The following AKAP19 variants were observed in gnomAD, a reference collection of about 807,000 sequenced individuals.
AKAP19 encodes the protein A-kinase anchoring protein 19.
chr2:190,121,468 C>G, the AKAP19 span, among the ~76,000 whole-genome samples: 7 of 152,134 alleles, frequency 4.6e-5, no homozygotes, highest in Admixed American at 6.6e-5. Context: ...AAAATATTCA[C>G]AAAACTTATG....
chr2:190,200,972 T>C, the AKAP19 span: 1 of 167,034 alleles, frequency 6.0e-6, no homozygotes, highest in Non-Finnish European at 1.5e-5. Flanking sequence ...AGCTTTACTA[T>C]CTCAGAGGTA....
the AKAP19 span, among the ~76,000 whole-genome samples, chr2:190,110,556 A>T: frequency 6.6e-6 from 1 of 152,248 alleles, no homozygotes; most frequent in Admixed American, 6.5e-5. Flanking sequence ...CAGAGTTACA[A>T]TAAAGAGAAT....
chr2:189,895,031 G>A, the AKAP19 span, among the ~76,000 whole-genome samples: 2 of 150,006 alleles, frequency 1.3e-5, no homozygotes, highest in Non-Finnish European at 3.0e-5. Context: ...CAACACTAAT[G>A]AAAGAAAAAA....
chr2:189,986,410 AAG>A, the AKAP19 span, among the ~76,000 whole-genome samples: 2 of 148,808 alleles, frequency 1.3e-5, no homozygotes, highest in Admixed American at 1.3e-4. Context: ...AAACACAAAA[AAG>A]AAAAACAAAA....
the AKAP19 span, among the ~76,000 whole-genome samples, chr2:190,196,006 T>C: frequency 7.1e-6 from 1 of 141,254 alleles, no homozygotes; most frequent in African/African-American, 2.6e-5. Flanking sequence ...TTGAAAAGAC[T>C]ATGTATGTGT....
At chr2:189,945,770 A>T in the AKAP19 span, among the ~76,000 whole-genome samples, 3 of 152,168 alleles carry the variant, frequency 2.0e-5, no homozygotes, top group African/African-American at 7.2e-5. Context: ...TATGGCAACT[A>T]ATAATCTGCA....
At chr2:190,200,253 A>T in the AKAP19 span, 3 of 911,278 alleles carry the variant, frequency 3.3e-6, no homozygotes, top group South Asian at 3.2e-5. Context: ...TGGATTTAAA[A>T]ATGTGTCTAC....
chr2:189,973,605 A>C, the AKAP19 span, among the ~76,000 whole-genome samples: 1 of 152,096 alleles, frequency 6.6e-6, no homozygotes, highest in Non-Finnish European at 1.5e-5. Flanking sequence ...CTGTGAATCC[A>C]TCTGGTCCTG....
chr2:189,983,943 G>C, the AKAP19 span, among the ~76,000 whole-genome samples: 2 of 152,108 alleles, frequency 1.3e-5, no homozygotes, highest in Admixed American at 6.5e-5. Context: ...ACAAAAACCA[G>C]CAAGTTTTTT....
chr2:189,973,033 G>C, the AKAP19 span, among the ~76,000 whole-genome samples: 2 of 152,186 alleles, frequency 1.3e-5, no homozygotes, highest in East Asian at 1.9e-4. Context: ...AATAGGAGTG[G>C]TGAGAGAGGG....
chr2:189,940,046 G>A, the AKAP19 span, among the ~76,000 whole-genome samples: 5 of 152,142 alleles, frequency 3.3e-5, no homozygotes, highest in East Asian at 5.8e-4. Context: ...TTGGGAGGCC[G>A]AGGTGGGTGG....
the AKAP19 span, among the ~76,000 whole-genome samples, chr2:190,163,370 C>G: frequency 3.3e-5 from 5 of 151,220 alleles, no homozygotes; most frequent in Admixed American, 6.6e-5. Context: ...GGAGGCAGAG[C>G]TTGCAGTGAG....
chr2:189,893,198 G>A, the AKAP19 span, among the ~76,000 whole-genome samples: 2 of 152,174 alleles, frequency 1.3e-5, no homozygotes, highest in African/African-American at 2.4e-5. Context: ...TTAGCTCACT[G>A]GCTTCAGCCC....
At chr2:190,100,059 A>G in the AKAP19 span, among the ~76,000 whole-genome samples, 17 of 152,308 alleles carry the variant, frequency 1.1e-4, no homozygotes, top group South Asian at 1.0e-3. Flanking sequence ...TGTCTCCCTG[A>G]AAGGAGATTA....
chr2:190,119,847 G>C, the AKAP19 span, among the ~76,000 whole-genome samples: 1 of 152,144 alleles, frequency 6.6e-6, no homozygotes, highest in African/African-American at 2.4e-5. Flanking sequence ...ATGAAAAGTG[G>C]TAATGCTGGA....
At chr2:190,196,084 C>T in the AKAP19 span, among the ~76,000 whole-genome samples, 1 of 150,900 alleles carries the variant, frequency 6.6e-6, no homozygotes, top group Non-Finnish European at 1.5e-5. Context: ...CATTTTCTTT[C>T]AGGTAATTTT....
chr2:190,130,126 C>T, the AKAP19 span, among the ~76,000 whole-genome samples: 372 of 152,276 alleles, frequency 2.4e-3, 1 homozygote, highest in African/African-American at 8.4e-3. Flanking sequence ...TCACAGATCA[C>T]ACAGAGAGAT....
chr2:190,007,513 T>A, the AKAP19 span, among the ~76,000 whole-genome samples: 2 of 152,138 alleles, frequency 1.3e-5, no homozygotes, highest in Non-Finnish European at 2.9e-5. Flanking sequence ...GTTAGGATGT[T>A]TTTAATTTAG....
the AKAP19 span, among the ~76,000 whole-genome samples, chr2:190,167,806 C>T: frequency 1.3e-5 from 2 of 152,324 alleles, no homozygotes; most frequent in Non-Finnish European, 2.9e-5. Context: ...TAGGCAGCTC[C>T]ACCCCTGTGG....
Sources: gnomAD v4.1 joint callset for allele counts (sites outside exome capture counted in the v4.1 genomes callset) on GRCh38, gnomAD v4.1.1 for gene constraint, MANE v1.5 for transcripts, NCBI Gene and HGNC (gene_info 2026-07-23, HGNC 2026-07-21) for gene names.